XKR4: variants seen among roughly 807,000 people sequenced by gnomAD.
XKR4 encodes the protein XK-related protein 4.
A neutral mutation model predicts 53.9 loss-of-function variants in XKR4; 12 were observed. The ratio of observed to expected loss-of-function variants is 0.22; its 90% CI spans 0.14 to 0.36. XKR4 has a LOEUF of 0.36. XKR4 is among the 10% of genes least tolerant of loss of function. The pLI, the probability that XKR4 is intolerant of heterozygous loss-of-function variation, is 1.00. For synonymous variants in XKR4, 354 were observed against 362.4 expected, an observed-to-expected ratio of 0.98 and a Z score of 0.26; for missense variants, 799 against 859.5, an observed-to-expected ratio of 0.93 and a Z score of 0.88.
chr8:55,291,266 A>G (rs1219203519), intron 1 of XKR4, among the ~76,000 whole-genome samples: 1 of 152,196 alleles, frequency 6.6e-6, no homozygotes, highest in Non-Finnish European at 1.5e-5. Context: ...TGATTACTAT[A>G]GATGTATAAT....
At chr8:55,444,625 T>C (rs889251719) in intron 2 of XKR4, among the ~76,000 whole-genome samples, 1 of 152,202 alleles carries the variant, frequency 6.6e-6, no homozygotes, top group Non-Finnish European at 1.5e-5. Context: ...GGAATATACA[T>C]CAAAATCATT....
At chr8:55,119,683 G>A (rs2129351841) in intron 1 of XKR4, among the ~76,000 whole-genome samples, 1 of 152,322 alleles carries the variant, frequency 6.6e-6, no homozygotes, top group South Asian at 2.1e-4. Flanking sequence ...ATCAATTGCA[G>A]TTTGAAAGTA....
intron 2 of XKR4, among the ~76,000 whole-genome samples, chr8:55,496,384 C>CA (rs59482857): frequency 0.091 from 13,597 of 149,194 alleles, 1,316 homozygotes; most frequent in East Asian, 0.29. Context: ...TTCTTTAAAA[C>CA]AAAAAAAAAA....
intron 1 of XKR4, among the ~76,000 whole-genome samples, chr8:55,264,123 G>A (rs761673605): frequency 3.3e-5 from 5 of 152,122 alleles, no homozygotes; most frequent in Non-Finnish European, 7.4e-5. Context: ...TGCTGGGCAT[G>A]GTCTGGACTC....
chr8:55,197,639 G>T (rs889208768), intron 1 of XKR4, among the ~76,000 whole-genome samples: 1 of 151,862 alleles, frequency 6.6e-6, no homozygotes, highest in African/African-American at 2.4e-5. Context: ...CGCCTCCTGG[G>T]TTCACGCCAT....
At chr8:55,433,854 C>T (rs1805135932) in intron 2 of XKR4, among the ~76,000 whole-genome samples, 1 of 152,010 alleles carries the variant, frequency 6.6e-6, no homozygotes, top group Admixed American at 6.6e-5. Context: ...AGGGAGATCC[C>T]ATCTCTACAA....
intron 2 of XKR4, among the ~76,000 whole-genome samples, chr8:55,505,778 G>T (rs1382091027): frequency 6.6e-6 from 1 of 152,196 alleles, no homozygotes; most frequent in East Asian, 1.9e-4. Context: ...TAAGAAAAAT[G>T]TATTTTCTGC....
chr8:55,122,953 T>C (rs1301179894), intron 1 of XKR4, among the ~76,000 whole-genome samples: 1 of 150,438 alleles, frequency 6.6e-6, no homozygotes, highest in African/African-American at 2.4e-5. Context: ...TTGAGCTTCA[T>C]GGGGTGTGTG....
chr8:55,158,320 T>G (rs1156536351), intron 1 of XKR4, among the ~76,000 whole-genome samples: 1 of 152,240 alleles, frequency 6.6e-6, no homozygotes. Context: ...AAGTGTCTGT[T>G]CATGCCTTTG....
chr8:55,461,536 A>G (rs1224458637), intron 2 of XKR4, among the ~76,000 whole-genome samples: 1 of 152,236 alleles, frequency 6.6e-6, no homozygotes, highest in Non-Finnish European at 1.5e-5. Context: ...AAAACAGAGC[A>G]GAAAAACCAG....
chr8:55,307,831 A>G (rs1452613651), intron 1 of XKR4, among the ~76,000 whole-genome samples: 3 of 152,234 alleles, frequency 2.0e-5, no homozygotes, highest in South Asian at 2.1e-4. Context: ...AAGAATCCAG[A>G]TCACTTATAC....
At chr8:55,186,982 T>C (rs1478149781) in intron 1 of XKR4, among the ~76,000 whole-genome samples, 1 of 151,624 alleles carries the variant, frequency 6.6e-6, no homozygotes, top group Admixed American at 6.6e-5. Context: ...GTTGCGCTAT[T>C]TTTTTTTTCT....
intron 2 of XKR4, among the ~76,000 whole-genome samples, chr8:55,500,750 C>T (rs1199746977): frequency 6.6e-6 from 1 of 152,162 alleles, no homozygotes; most frequent in Non-Finnish European, 1.5e-5. Context: ...TTTACAATCT[C>T]ATTTAACCCT....
At chr8:55,156,989 C>T (rs184942060) in intron 1 of XKR4, among the ~76,000 whole-genome samples, 32 of 152,284 alleles carry the variant, frequency 2.1e-4, no homozygotes, top group Admixed American at 3.9e-4. Flanking sequence ...TCTGATTTGG[C>T]GCTCAGTAAA....
intron 1 of XKR4, among the ~76,000 whole-genome samples, chr8:55,127,153 A>G (rs1165022078): frequency 1.3e-5 from 2 of 152,126 alleles, no homozygotes; most frequent in African/African-American, 4.8e-5. Flanking sequence ...CTATTCTCGT[A>G]TGAGCCAGCT....
rs1806922403 is a variant in XKR4, at chr8:55,529,653, G to T, written c.*5426G>T. 6.6e-6 allele frequency: 1 copy of T among 152,158 alleles called. No individual in the cohort carries two copies. The highest frequency in any genetic ancestry group is 2.4e-5 in the African/African-American group (1 of 41,424). The allele number at this position is 152,158 out of a possible 1,614,324, so 9.4% of individuals were successfully genotyped here. ...ACAGCTAGGAAACAGTGGGGCTGAGGGTTGAGCACAGCTTTCAACAACTGC... is the reference window on the plus strand; with the variant it reads ...ACAGCTAGGAAACAGTGGGGCTGAGTGTTGAGCACAGCTTTCAACAACTGC... On this transcript the variant is annotated 3_prime_UTR_variant, in exon 3 of 3. Transcript: ENST00000327381.
chr8:55,326,976 C>T (rs973312471), intron 1 of XKR4, among the ~76,000 whole-genome samples: 1 of 152,020 alleles, frequency 6.6e-6, no homozygotes, highest in African/African-American at 2.4e-5. Flanking sequence ...CTCTCCCTTG[C>T]TTCTTTATGC....
At chr8:55,397,960 C>T (rs962206246) in intron 2 of XKR4, among the ~76,000 whole-genome samples, 2 of 152,200 alleles carry the variant, frequency 1.3e-5, no homozygotes, top group Non-Finnish European at 2.9e-5. Context: ...TGACATCCCC[C>T]ATGTATGTGT....
At chr8:55,361,712 G>C (rs1037484727) in intron 2 of XKR4, among the ~76,000 whole-genome samples, 1 of 152,002 alleles carries the variant, frequency 6.6e-6, no homozygotes, top group African/African-American at 2.4e-5. Context: ...AAGTTCCAAG[G>C]CCTTTGTGTC....
Sources: gnomAD v4.1 joint callset for allele counts (sites outside exome capture counted in the v4.1 genomes callset) on GRCh38, gnomAD v4.1.1 for gene constraint, MANE v1.5 for transcripts, NCBI Gene and HGNC (gene_info 2026-07-23, HGNC 2026-07-21) for gene names.